Variants in SKI observed in about 807,000 individuals in gnomAD.
SKI encodes the protein SKI proto-oncogene.
A neutral mutation model predicts 59.3 loss-of-function variants in SKI; 23 were observed. That is an observed-to-expected ratio of 0.39 (90% CI 0.28 to 0.55). The LOEUF is 0.55. Among genes scored for constraint, SKI ranks in the 20% least tolerant of loss-of-function variants. The probability of loss-of-function intolerance (pLI) is 0.67; values close to 1 mark genes in which losing one functional copy is unlikely to be tolerated. For missense variants in SKI, 1,017 were observed against 1,038.9 expected, an observed-to-expected ratio of 0.98 and a Z score of 0.29; for synonymous variants, 673 against 488.6, an observed-to-expected ratio of 1.38 and a Z score of -4.98.
chr1:2,292,286 CT>C (rs1640178468), intron 1 of SKI, among the ~76,000 whole-genome samples: 1 of 152,180 alleles, frequency 6.6e-6, no homozygotes, highest in Non-Finnish European at 1.5e-5. Context: ...GGGGTTCGGG[CT>C]TTTGGAGTTT....
At chr1:2,287,139 C>A (rs975563472) in intron 1 of SKI, among the ~76,000 whole-genome samples, 1 of 152,156 alleles carries the variant, frequency 6.6e-6, no homozygotes, top group African/African-American at 2.4e-5. Flanking sequence ...TGCGCACCCT[C>A]CCGCCCGGGG....
rs1640588505 is a variant in SKI at position 2,306,566 on chromosome 1, C to CTT, written c.1999-10_1999-9insTT. ...CGAGCAGGCGCCGCTGACCACTCGG[C>CTT]TCCCTTTCAGATCGAAGACCTGCAG... On this transcript the variant is annotated splice_polypyrimidine_tract_variant and intron_variant, in intron 6 of 6. Transcript: ENST00000378536. The CTT allele has an allele frequency of 6.5e-7, 1 of 1,540,278 alleles. No individual in the cohort carries two copies. Among genetic ancestry groups the CTT allele is most frequent in the African/African-American group, 1.4e-5 (1 of 72,602 alleles).
Position 2,228,685 on chromosome 1 carries a change from C to T in SKI, c.-82C>T. ...GCCGGGGTCGGGGCCGCGGGCGCCG[C>T]CGGGGCGCGCGGGGCGGCGGCGGGG... On this transcript the variant is annotated 5_prime_UTR_variant, in exon 1 of 7. Coordinates refer to ENST00000378536, the MANE Select transcript of SKI (RefSeq NM_003036.4). The T allele has an allele frequency of 1.1e-6, 1 of 888,690 alleles. No individual in the cohort carries two copies. Among genetic ancestry groups the T allele is most frequent in the Non-Finnish European group, 1.3e-6 (1 of 746,368 alleles). 55.1% of individuals were successfully genotyped at this position (888,690 alleles called of 1,614,324 possible).
chr1:2,283,112 C>T (rs935964112), intron 1 of SKI, among the ~76,000 whole-genome samples: 6 of 152,210 alleles, frequency 3.9e-5, no homozygotes, highest in Admixed American at 2.6e-4. Flanking sequence ...GGGAGGCGCC[C>T]CCACCCGGCC....
chr1:2,293,528 C>T (rs917594991), intron 1 of SKI, among the ~76,000 whole-genome samples: 1 of 152,120 alleles, frequency 6.6e-6, no homozygotes, highest in African/African-American at 2.4e-5. Context: ...ATCGTGCCCT[C>T]TTCTTCTCTG....
In SKI at chr1:2,267,616, A is replaced by G. The variant is rs532232617; in HGVS notation, c.970-35362A>G. On this transcript the variant is annotated intron_variant, in intron 1 of 6. Transcript: ENST00000378536. The surrounding 1 kb of genome is among the most constrained non-coding windows in gnomAD (Gnocchi z 4.1). ...GTGGTCAGCACTGCACTCTGCTCTC[A>G]TCGGAAGCTGGGCAGTGGCCAGAGG... Among the ~76,000 whole-genome samples the G allele has an allele frequency of 3.3e-4, 51 of 152,242 alleles. 1 individual carries two copies. Among genetic ancestry groups the G allele is most frequent in the Admixed American group, 9.1e-4 (14 of 15,304 alleles).
At chr1:2,232,033 C>T (rs986229660) in intron 1 of SKI, among the ~76,000 whole-genome samples, 1 of 152,160 alleles carries the variant, frequency 6.6e-6, no homozygotes, top group African/African-American at 2.4e-5. Flanking sequence ...TCAGGGTGGG[C>T]GTGGACCCAC....
intron 1 of SKI, among the ~76,000 whole-genome samples, chr1:2,255,057 G>A (rs997716324): frequency 6.6e-6 from 1 of 151,884 alleles, no homozygotes; most frequent in Non-Finnish European, 1.5e-5. Context: ...CTCAGGTGTC[G>A]GTCACCCTAC....
chr1:2,262,681 C>T (rs764228584), intron 1 of SKI, among the ~76,000 whole-genome samples: 13 of 152,084 alleles, frequency 8.5e-5, no homozygotes, highest in African/African-American at 2.7e-4. Flanking sequence ...CCCCAGAATA[C>T]GGTTCCTAGT....
chr1:2,294,342 G>A (rs1050971346), intron 1 of SKI, among the ~76,000 whole-genome samples: 18 of 152,218 alleles, frequency 1.2e-4, no homozygotes, highest in African/African-American at 4.1e-4. Flanking sequence ...CACAAAATTG[G>A]CACTCAGTGA....
At chr1:2,266,270 C>T (rs1639498129) in intron 1 of SKI, among the ~76,000 whole-genome samples, 1 of 152,162 alleles carries the variant, frequency 6.6e-6, no homozygotes, top group Non-Finnish European at 1.5e-5. Context: ...GACTCTTCCC[C>T]AGCCTCGTGG....
At chr1:2,264,154 A>G (rs1454387476) in intron 1 of SKI, among the ~76,000 whole-genome samples, 1 of 152,172 alleles carries the variant, frequency 6.6e-6, no homozygotes. Context: ...TACACAAGTA[A>G]TTTTCTCAAT....
At chr1:2,287,692 C>T (rs926395534) in intron 1 of SKI, among the ~76,000 whole-genome samples, 12 of 152,214 alleles carry the variant, frequency 7.9e-5, no homozygotes, top group Admixed American at 2.6e-4. Flanking sequence ...GTCTTGCATG[C>T]GTCACCTTCC....
intron 1 of SKI, among the ~76,000 whole-genome samples, chr1:2,246,970 C>T (rs1639013773): frequency 6.6e-6 from 1 of 152,200 alleles, no homozygotes; most frequent in East Asian, 1.9e-4. Context: ...CGCCTGTAAT[C>T]CCAGCACTTT....
At chr1:2,279,582 G>C (rs1036550956) in intron 1 of SKI, among the ~76,000 whole-genome samples, 12 of 152,232 alleles carry the variant, frequency 7.9e-5, no homozygotes, top group South Asian at 4.1e-4. Context: ...GCAGGGGGAG[G>C]GGGGAGGGGA....
chr1:2,274,755 TAGC>T lies in SKI; in HGVS notation c.970-28219_970-28217del, dbSNP rs1172432609. ...GCTGCAGCCCTGGACCCTAGGAGAATAGCAGCCGTGATGGGGGGCAGGGACCCC... is the reference window on the plus strand; with the variant it reads ...GCTGCAGCCCTGGACCCTAGGAGAATAGCCGTGATGGGGGGCAGGGACCCC... On this transcript the variant is annotated intron_variant, in intron 1 of 6. Transcript: ENST00000378536. 2.6e-5 allele frequency among the ~76,000 whole-genome samples: 4 copies of T among 152,214 alleles called. No individual in the cohort carries two copies. In the South Asian group the frequency reaches 8.3e-4, roughly 32 times the overall value.
At chr1:2,304,903 C>T (rs1640528338) in intron 5 of SKI, among the ~76,000 whole-genome samples, 1 of 152,224 alleles carries the variant, frequency 6.6e-6, no homozygotes, top group Non-Finnish European at 1.5e-5. Context: ...CCATGTTTCT[C>T]TGGTATAAGG....
rs1365738781 is a variant in SKI, at chr1:2,267,326, G to A, written c.970-35652G>A. ...AATTCAGCTTGCGCGGGCTGCGGTGGAGTTCTGGGGTTTGTTTGTGGGCAT... is the reference window on the plus strand; with the variant it reads ...AATTCAGCTTGCGCGGGCTGCGGTGAAGTTCTGGGGTTTGTTTGTGGGCAT... On this transcript the variant is annotated intron_variant, in intron 1 of 6. Transcript: ENST00000378536. The surrounding 1 kb of genome is among the most constrained non-coding windows in gnomAD (Gnocchi z 4.1). Among the ~76,000 whole-genome samples, 1 of 152,208 alleles carries A rather than the reference G, an allele frequency of 6.6e-6. No individual in the cohort carries two copies. Among genetic ancestry groups the A allele is most frequent in the Non-Finnish European group, 1.5e-5 (1 of 68,036 alleles).
intron 5 of SKI, 38 bp from the exon 6 acceptor site, chr1:2,305,982 C>A (rs1488504031): frequency 2.0e-6 from 3 of 1,472,504 alleles, no homozygotes; most frequent in African/African-American, 2.8e-5. Flanking sequence ...GTGCTGGGAC[C>A]GGCTGGGCAG....
Sources: allele counts gnomAD v4.1 joint callset (sites outside exome capture counted in the v4.1 genomes callset), GRCh38; gene constraint gnomAD v4.1.1; non-coding constraint Gnocchi (gnomAD v3.1); transcripts MANE v1.5; gene names NCBI Gene and HGNC (gene_info 2026-07-23, HGNC 2026-07-21).